The following CREBBP variants were observed in gnomAD, a reference collection of about 807,000 sequenced individuals.
CREBBP encodes the protein CREB-binding protein.
Under a neutral mutation model 265.0 loss-of-function variants are expected in CREBBP, and 19 were observed. That is an observed-to-expected ratio of 0.07 (90% CI 0.05 to 0.11). The LOEUF is 0.11. Among genes scored for constraint, CREBBP ranks in the 10% least tolerant of loss-of-function variants. CREBBP has a pLI of 1.00. For synonymous variants in CREBBP, 1,457 were observed against 1,223.7 expected (o/e 1.19, Z -3.98); for missense variants, 2,525 against 3,219.0 (o/e 0.78, Z 5.22).
intron 20 of CREBBP, among the ~76,000 whole-genome samples, chr16:3,750,168 GTTTT>G (rs1349900961): frequency 1.3e-5 from 2 of 152,218 alleles, no homozygotes; most frequent in African/African-American, 4.8e-5. Flanking sequence ...GCCCTGTTAA[GTTTT>G]TTTAATTTTT....
chr16:3,745,556 G>C (rs2151356691), intron 21 of CREBBP: 1 of 610,524 alleles, frequency 1.6e-6, no homozygotes, highest in Non-Finnish European at 3.0e-6. Flanking sequence ...TTCTTCTTTT[G>C]TTTGTACAAG....
Position 3,728,531 on chromosome 16 carries a change from G to T in CREBBP, c.6516C>A (p.Asn2172Lys), listed in dbSNP as rs763852812. 6.2e-7 allele frequency: 1 copy of T among 1,614,084 alleles called. No individual in the cohort carries two copies. Among genetic ancestry groups the T allele is most frequent in the Non-Finnish European group, 8.5e-7 (1 of 1,180,010 alleles). Reference sequence around the variant, plus strand: ...TGGGGTTGTGTCCTGGGTTCATGATGTTCAAGGCCTGGCCCTGGGGGTTCA... The same window carrying T: ...TGGGGTTGTGTCCTGGGTTCATGATTTTCAAGGCCTGGCCCTGGGGGTTCA... ...GGLNPQGQALNIMNPGHNPNM... is the reference protein window; with the variant it reads ...GGLNPQGQALKIMNPGHNPNM... The change falls in exon 31 of 31, where the codon AAC becomes AAA. Residue 2172 changes from asparagine (N) to lysine (K), a missense_variant. Asn to Lys is a moderately conservative substitution (Grantham distance 94). This residue lies in a region of CREBBP where 473 missense variants were observed against 459.3 expected (regional missense o/e 1.03). Transcript: ENST00000262367. The surrounding 1 kb of genome is among the most constrained non-coding windows in gnomAD (Gnocchi z 8.7).
chr16:3,760,743 T>C (rs1379440008), intron 16 of CREBBP, among the ~76,000 whole-genome samples: 1 of 152,062 alleles, frequency 6.6e-6, no homozygotes, highest in Non-Finnish European at 1.5e-5. Context: ...AGACAGAGTC[T>C]TGCTCCAACG....
intron 2 of CREBBP, among the ~76,000 whole-genome samples, chr16:3,838,752 T>C (rs1370632784): frequency 1.3e-5 from 2 of 152,174 alleles, no homozygotes; most frequent in Non-Finnish European, 2.9e-5. Flanking sequence ...TTTTGATCTG[T>C]TGCCCGGGCT....
chr16:3,761,587 G>A (rs185039108), intron 16 of CREBBP: 21 of 518,400 alleles, frequency 4.1e-5, no homozygotes, highest in Non-Finnish European at 2.3e-5. Flanking sequence ...ACCAACCTCC[G>A]CAGACACCGC....
chr16:3,827,972 G>A (rs888890708), intron 2 of CREBBP, among the ~76,000 whole-genome samples: 4 of 152,180 alleles, frequency 2.6e-5, no homozygotes, highest in African/African-American at 9.7e-5. Context: ...GATTGCAGGT[G>A]TGAACCACTG....
intron 2 of CREBBP, among the ~76,000 whole-genome samples, chr16:3,826,479 G>A (rs1288039012): frequency 6.6e-6 from 1 of 152,140 alleles, no homozygotes; most frequent in East Asian, 1.9e-4. Flanking sequence ...ACCTCAACCA[G>A]GTGGCTGTGG....
intron 3 of CREBBP, among the ~76,000 whole-genome samples, chr16:3,802,908 A>T (rs1423207632): frequency 6.6e-6 from 1 of 152,100 alleles, no homozygotes; most frequent in Non-Finnish European, 1.5e-5. Flanking sequence ...CAAAGCGAAC[A>T]TCAGGCAGAA....
chr16:3,843,630 G>C (rs941838118), intron 2 of CREBBP, among the ~76,000 whole-genome samples: 1 of 151,330 alleles, frequency 6.6e-6, no homozygotes, highest in Non-Finnish European at 1.5e-5. Flanking sequence ...TATGTTCACA[G>C]GCTGGTCTTG....
intron 2 of CREBBP, among the ~76,000 whole-genome samples, chr16:3,848,705 CAG>C (rs1432500537): frequency 6.6e-6 from 1 of 152,048 alleles, no homozygotes; most frequent in Non-Finnish European, 1.5e-5. Flanking sequence ...CCAGAATAGA[CAG>C]AGTTTTAAAA....
chr16:3,772,397 C>T (rs1424440044), intron 13 of CREBBP, among the ~76,000 whole-genome samples: 1 of 151,114 alleles, frequency 6.6e-6, no homozygotes, highest in Non-Finnish European at 1.5e-5. Flanking sequence ...TGTTTCAGTG[C>T]AGTGGTTCTA....
intron 2 of CREBBP, among the ~76,000 whole-genome samples, chr16:3,836,972 T>C (rs2054465194): frequency 6.6e-6 from 1 of 152,242 alleles, no homozygotes; most frequent in Non-Finnish European, 1.5e-5. Context: ...CATGGCTCAA[T>C]TATGTATAGT....
At chr16:3,788,499 C>T (rs1307080148) in intron 5 of CREBBP, among the ~76,000 whole-genome samples, 1 of 152,176 alleles carries the variant, frequency 6.6e-6, no homozygotes, top group African/African-American at 2.4e-5. Context: ...TCAACCATGC[C>T]ACTCTGTGCA....
At chr16:3,775,285 C>T (rs892233780) in intron 11 of CREBBP, among the ~76,000 whole-genome samples, 15 of 152,148 alleles carry the variant, frequency 9.9e-5, no homozygotes, top group African/African-American at 1.7e-4. Context: ...AAGGGTCAGC[C>T]GTCCTCAACC....
rs549286266 is a variant in CREBBP at position 3,805,257 on chromosome 16, A to G, written c.975+5346T>C. ...CACTAATAATTATAGACAAGGGCTTACTTCCAAACCTTCCCCACGTTTTCC... is the reference window on the plus strand; with the variant it reads ...CACTAATAATTATAGACAAGGGCTTGCTTCCAAACCTTCCCCACGTTTTCC... On this transcript the variant is annotated intron_variant, in intron 3 of 30. Coordinates refer to ENST00000262367, the MANE Select transcript of CREBBP (RefSeq NM_004380.3). 3.5e-4 allele frequency among the ~76,000 whole-genome samples: 53 copies of G among 152,336 alleles called. 1 individual carries two copies. The highest frequency in any genetic ancestry group is 1.3e-3 in the African/African-American group (52 of 41,576).
chr16:3,849,371 T>A (rs2054735795), intron 2 of CREBBP, among the ~76,000 whole-genome samples: 1 of 135,286 alleles, frequency 7.4e-6, no homozygotes, highest in African/African-American at 3.0e-5. Flanking sequence ...CTAGCAGAGC[T>A]CTTGGCCGTG....
At chr16:3,866,466 G>C (rs1453178154) in intron 1 of CREBBP, among the ~76,000 whole-genome samples, 1 of 151,970 alleles carries the variant, frequency 6.6e-6, no homozygotes, top group Non-Finnish European at 1.5e-5. Flanking sequence ...TCTCATTAGA[G>C]GTCTAAAGGT....
chr16:3,813,196 G>C, intron 2 of CREBBP: 1 of 228,452 alleles, frequency 4.4e-6, no homozygotes, highest in Non-Finnish European at 8.7e-6. Flanking sequence ...ATACGCAGGT[G>C]ATTTCCTTCC....
intron 26 of CREBBP, among the ~76,000 whole-genome samples, chr16:3,737,455 CTTT>C (rs111941103): frequency 2.1e-5 from 3 of 142,540 alleles, no homozygotes; most frequent in Admixed American, 7.0e-5. Flanking sequence ...TTTCTTTTTT[CTTT>C]TTTTTTTTTT....
Sources: gnomAD v4.1 joint callset for allele counts (sites outside exome capture counted in the v4.1 genomes callset) on GRCh38, gnomAD v4.1.1 for gene constraint, gnomAD v4.1.1 regional missense constraint, Gnocchi (gnomAD v3.1) non-coding constraint, MANE v1.5 for transcripts, NCBI Gene and HGNC (gene_info 2026-07-23, HGNC 2026-07-21) for gene names.